The following SULF1 variants were observed in gnomAD, a reference collection of about 807,000 sequenced individuals.
The protein encoded by SULF1 is sulfatase 1.
SULF1 carries 46 observed loss-of-function variants against 110.5 expected under a neutral mutation model. That is an observed-to-expected ratio of 0.42 (90% CI 0.33 to 0.53). The LOEUF is 0.53. Ranked by LOEUF, SULF1 falls within the 20% of genes least tolerant of loss-of-function variation. SULF1 has a pLI of 0.12. For synonymous variants in SULF1, 371 were observed against 387.1 expected (o/e 0.96, Z 0.49); for missense variants, 941 against 1,094.2 (o/e 0.86, Z 1.98).
intron 14 of SULF1, among the ~76,000 whole-genome samples, chr8:69,623,479 TTAGAGA>T (rs1809771985): frequency 6.6e-6 from 1 of 152,158 alleles, no homozygotes; most frequent in African/African-American, 2.4e-5. Context: ...AGACTCCAGA[TTAGAGA>T]TAAATATGAA....
intron 19 of SULF1, among the ~76,000 whole-genome samples, chr8:69,631,507 G>C (rs1006988454): frequency 6.6e-6 from 1 of 152,248 alleles, no homozygotes; most frequent in Non-Finnish European, 1.5e-5. Flanking sequence ...AGTGAGCTGT[G>C]ATCGTGCCCT....
At chr8:69,654,973 G>A (rs1430964266) in intron 22 of SULF1, among the ~76,000 whole-genome samples, 2 of 152,092 alleles carry the variant, frequency 1.3e-5, no homozygotes, top group Admixed American at 6.6e-5. Flanking sequence ...ATGTAACTTG[G>A]TGGTCCAAAT....
At chr8:69,538,735 C>T (rs12550672) in intron 3 of SULF1, among the ~76,000 whole-genome samples, 11,141 of 152,078 alleles carry the variant, frequency 0.073, 749 homozygotes, top group East Asian at 0.38. Flanking sequence ...CTCTGTCACC[C>T]AGGCTGAAGT....
At chr8:69,626,563 C>A (rs974581259) in intron 15 of SULF1, among the ~76,000 whole-genome samples, 2 of 152,346 alleles carry the variant, frequency 1.3e-5, no homozygotes, top group African/African-American at 4.8e-5. Flanking sequence ...GCTCGGGCTG[C>A]ACAGGAGCCC....
intron 5 of SULF1, among the ~76,000 whole-genome samples, chr8:69,573,585 T>C (rs1805395168): frequency 6.6e-6 from 1 of 152,168 alleles, no homozygotes; most frequent in African/African-American, 2.4e-5. Context: ...TGAAAAGCCA[T>C]CAACAGGGTT....
At chr8:69,478,883 A>G (rs1809407919) in intron 1 of SULF1, among the ~76,000 whole-genome samples, 1 of 152,178 alleles carries the variant, frequency 6.6e-6, no homozygotes, top group Non-Finnish European at 1.5e-5. Context: ...CCTTCATTAC[A>G]CATTCACAGT....
chr8:69,627,426 C>CAA (rs5892211), intron 16 of SULF1, 120 bp downstream of exon 16: 12,853 of 532,640 alleles, frequency 0.024, 1 homozygote, highest in East Asian at 0.032. Flanking sequence ...TGAAAAAATA[C>CAA]AAAAAAAAAA....
chr8:69,601,693 A>G lies in SULF1; in HGVS notation c.925A>G (p.Thr309Ala). The change falls in exon 10 of 23, where the codon ACT (threonine) becomes GCT (alanine). Residue 309 changes from threonine (T) to alanine (A), a missense_variant. This residue lies in a region of SULF1 where 822 missense variants were observed against 934.3 expected (regional missense o/e 0.88). Transcript: ENST00000402687. ...MLVETGELEN[T>A]YIIYTADHGY... The stretch of plus-strand genomic sequence containing the variant: ...CGTGGAGACGGGGGAGCTGGAGAAT[A>G]CTTACATCATTTACACCGCCGACCA... 6.2e-7 allele frequency: 1 copy of G among 1,613,152 alleles called. No homozygotes were observed. Among genetic ancestry groups the G allele is most frequent in the Non-Finnish European group, 8.5e-7 (1 of 1,179,672 alleles).
chr8:69,637,275 C>T (rs1297891458), intron 19 of SULF1, among the ~76,000 whole-genome samples: 1 of 152,196 alleles, frequency 6.6e-6, no homozygotes, highest in Non-Finnish European at 1.5e-5. Flanking sequence ...CAATGGTCCA[C>T]CACTACACTC....
intron 3 of SULF1, among the ~76,000 whole-genome samples, chr8:69,528,401 G>A (rs1371273891): frequency 1.3e-5 from 2 of 152,190 alleles, no homozygotes; most frequent in Non-Finnish European, 2.9e-5. Context: ...CTTGTAGACA[G>A]ACGTGGATTC....
chr8:69,595,266 G>T (rs1355577792), intron 8 of SULF1, among the ~76,000 whole-genome samples: 1 of 152,062 alleles, frequency 6.6e-6, no homozygotes, highest in Non-Finnish European at 1.5e-5. Flanking sequence ...AATTCTCTTG[G>T]CCCCAGGTGA....
chr8:69,484,828 T>C (rs540338545), intron 1 of SULF1, among the ~76,000 whole-genome samples: 1 of 84,218 alleles, frequency 1.2e-5, no homozygotes, highest in South Asian at 3.5e-4. Flanking sequence ...CATCTTCCTC[T>C]TCTTCTTCTT....
chr8:69,558,702 C>A (rs1041143104), intron 3 of SULF1, among the ~76,000 whole-genome samples: 1 of 152,098 alleles, frequency 6.6e-6, no homozygotes, highest in African/African-American at 2.4e-5. Flanking sequence ...AGAGTCTGGG[C>A]TTAACTATAG....
At chr8:69,513,906 G>A (rs980390828) in intron 3 of SULF1, among the ~76,000 whole-genome samples, 20 of 152,204 alleles carry the variant, frequency 1.3e-4, no homozygotes, top group Non-Finnish European at 2.5e-4. Context: ...GCTCTAAAAT[G>A]TATTTTTGTT....
intron 2 of SULF1, among the ~76,000 whole-genome samples, chr8:69,497,155 C>CTTTT (rs5892193): frequency 3.3e-5 from 4 of 121,710 alleles, no homozygotes; most frequent in Non-Finnish European, 3.4e-5. Context: ...GTTCTTTTCT[C>CTTTT]TTTTTTTTTT....
intron 22 of SULF1, among the ~76,000 whole-genome samples, chr8:69,650,965 C>T (rs1487766791): frequency 6.6e-6 from 1 of 152,058 alleles, no homozygotes; most frequent in Non-Finnish European, 1.5e-5. Context: ...TATAAAATTG[C>T]TGCTGAGGTG....
At chr8:69,570,576 T>A (rs1357242662) in intron 5 of SULF1, among the ~76,000 whole-genome samples, 19 of 152,224 alleles carry the variant, frequency 1.2e-4, no homozygotes, top group African/African-American at 3.9e-4. Flanking sequence ...TGAAATGATT[T>A]TGGGAATCAA....
intron 3 of SULF1, among the ~76,000 whole-genome samples, chr8:69,558,128 A>T (rs1209543052): frequency 6.6e-6 from 1 of 152,170 alleles, no homozygotes; most frequent in Non-Finnish European, 1.5e-5. Flanking sequence ...GCCTTACTCT[A>T]AAGAAAAGAA....
At chr8:69,502,845 GC>G (rs1810911920) in intron 3 of SULF1, among the ~76,000 whole-genome samples, 2 of 151,528 alleles carry the variant, frequency 1.3e-5, no homozygotes, top group South Asian at 4.2e-4. Context: ...CTGCCACCAC[GC>G]CCAGCTAATT....
Sources: gnomAD v4.1 joint callset for allele counts (sites outside exome capture counted in the v4.1 genomes callset) on GRCh38, gnomAD v4.1.1 for gene constraint, gnomAD v4.1.1 regional missense constraint, MANE v1.5 for transcripts, NCBI Gene and HGNC (gene_info 2026-07-23, HGNC 2026-07-21) for gene names.